CDH12: variants seen among roughly 807,000 people sequenced by gnomAD.
CDH12 encodes the protein cadherin 12.
Under a neutral mutation model 74.1 loss-of-function variants are expected in CDH12, and 41 were observed. The observed-to-expected ratio is 0.55, with a 90% confidence interval of 0.43 to 0.72. The LOEUF (loss-of-function observed/expected upper bound fraction) is 0.72. Ranked by LOEUF, CDH12 falls within the 30% of genes least tolerant of loss-of-function variation. The pLI is 0.00. For synonymous variants in CDH12, 399 were observed against 355.0 expected, an observed-to-expected ratio of 1.12 and a Z score of -1.39; for missense variants, 945 against 977.2, an observed-to-expected ratio of 0.97 and a Z score of 0.44.
At chr5:22,487,883 T>C (rs1234300129) in intron 2 of CDH12, among the ~76,000 whole-genome samples, 1 of 152,242 alleles carries the variant, frequency 6.6e-6, no homozygotes, top group Non-Finnish European at 1.5e-5. Context: ...AAATTTAACT[T>C]TTAACAACAT....
chr5:22,774,731 A>C (rs961975529), intron 1 of CDH12, among the ~76,000 whole-genome samples: 4 of 150,438 alleles, frequency 2.7e-5, no homozygotes, highest in Non-Finnish European at 6.0e-5. Context: ...CTTTTTCTGT[A>C]TAAATTAACC....
At chr5:21,943,878 AT>A (rs1429323970) in intron 6 of CDH12, among the ~76,000 whole-genome samples, 1 of 152,178 alleles carries the variant, frequency 6.6e-6, no homozygotes, top group Non-Finnish European at 1.5e-5. Context: ...ACACCAAAGA[AT>A]TAGCCAAGTG....
At chr5:22,186,092 T>C (rs565889690) in intron 4 of CDH12, among the ~76,000 whole-genome samples, 1 of 152,328 alleles carries the variant, frequency 6.6e-6, no homozygotes, top group South Asian at 2.1e-4. Flanking sequence ...TGCCCTTGAG[T>C]AAGATCTCTC....
At chr5:22,697,790 G>A (rs943091595) in intron 1 of CDH12, among the ~76,000 whole-genome samples, 4 of 152,006 alleles carry the variant, frequency 2.6e-5, no homozygotes, top group Non-Finnish European at 4.4e-5. Context: ...GGTTATAAAG[G>A]TGGGGCCCTA....
At chr5:22,589,645 T>C (rs951872801) in intron 1 of CDH12, among the ~76,000 whole-genome samples, 8 of 152,222 alleles carry the variant, frequency 5.3e-5, no homozygotes, top group African/African-American at 9.6e-5. Flanking sequence ...ACACTTTTCC[T>C]CGGCTTCTGG....
At chr5:22,353,553 A>G in intron 3 of CDH12, among the ~76,000 whole-genome samples, 1 of 152,292 alleles carries the variant, frequency 6.6e-6, no homozygotes, top group Middle Eastern at 3.4e-3. Flanking sequence ...TTAATTAAAT[A>G]GTTTATTATT....
intron 1 of CDH12, among the ~76,000 whole-genome samples, chr5:22,711,962 T>G (rs1743311471): frequency 6.6e-6 from 1 of 152,072 alleles, no homozygotes; most frequent in African/African-American, 2.4e-5. Context: ...CATTTTCTAA[T>G]ATTTACTTTG....
chr5:22,358,474 C>G (rs551055876), intron 3 of CDH12, among the ~76,000 whole-genome samples: 1 of 152,130 alleles, frequency 6.6e-6, no homozygotes, highest in East Asian at 1.9e-4. Flanking sequence ...ATGAATTTGA[C>G]AATGGCTGAT....
At chr5:22,408,897 G>T (rs1743063103) in intron 2 of CDH12, among the ~76,000 whole-genome samples, 1 of 151,674 alleles carries the variant, frequency 6.6e-6, no homozygotes, top group South Asian at 2.1e-4. Flanking sequence ...TGAATTTTTT[G>T]CAGTAGATAA....
At chr5:22,642,004 A>C (rs1360257030) in intron 1 of CDH12, among the ~76,000 whole-genome samples, 1 of 152,208 alleles carries the variant, frequency 6.6e-6, no homozygotes. Context: ...AGAAACTGAG[A>C]TGCAATGAGA....
chr5:22,315,192 G>A lies in CDH12; in HGVS notation c.-333+90065C>T, dbSNP rs534623038. ...TTAGCCGGGATGGTCTCGATCTCCT[G>A]ACCTTGTGATCTGCCCGCCTCGGCC... is the stretch of plus-strand genomic sequence containing the variant. On this transcript the variant is annotated intron_variant, in intron 3 of 14. Coordinates refer to ENST00000382254, the MANE Select transcript of CDH12 (RefSeq NM_004061.5). Among the ~76,000 whole-genome samples the A allele has an allele frequency of 6.6e-5, 9 of 137,236 alleles. No individual in the cohort carries two copies. The East Asian group carries it at 1.1e-3, about 17-fold the overall frequency. 90.0% of individuals were successfully genotyped at this position (137,236 alleles called of 152,430 possible). A position where few individuals can be genotyped will look rare whatever the true frequency, so the allele number is the denominator to read the frequency against.
intron 3 of CDH12, among the ~76,000 whole-genome samples, chr5:22,290,523 G>C (rs1307070260): frequency 6.6e-6 from 1 of 152,100 alleles, no homozygotes; most frequent in Non-Finnish European, 1.5e-5. Flanking sequence ...TGCAATAGCG[G>C]ATCAACAGCA....
chr5:22,796,044 A>T (rs1451178067), intron 1 of CDH12, among the ~76,000 whole-genome samples: 1 of 152,140 alleles, frequency 6.6e-6, no homozygotes, highest in Non-Finnish European at 1.5e-5. Flanking sequence ...TTTATGGCTA[A>T]ACACTATTCC....
At chr5:21,871,596 G>A (rs908334737) in intron 6 of CDH12, among the ~76,000 whole-genome samples, 1 of 152,090 alleles carries the variant, frequency 6.6e-6, no homozygotes. Context: ...AGCTGGGCGT[G>A]GTGGCACACG....
rs375668001 is a variant in CDH12, at chr5:22,700,036, C to G, written c.-523+153022G>C. On this transcript the variant is annotated intron_variant, in intron 1 of 14. Transcript: ENST00000382254. ...CAAAAATTAGCTGCATATGTTGGCG[C>G]ATGCCTGTAATCTCAGCTATGTCAA... Among the ~76,000 whole-genome samples, 15 of 152,020 alleles carry G rather than the reference C, an allele frequency of 9.9e-5. No individual in the cohort carries two copies. In the East Asian group the frequency reaches 2.3e-3, roughly 23 times the overall value.
intron 8 of CDH12, among the ~76,000 whole-genome samples, chr5:21,839,053 A>C (rs1159250018): frequency 2.0e-5 from 3 of 152,158 alleles, no homozygotes; most frequent in African/African-American, 7.2e-5. Context: ...AACAGCGCCC[A>C]ATTTCACAAT....
intron 3 of CDH12, among the ~76,000 whole-genome samples, chr5:22,280,557 C>T (rs1736832500): frequency 6.6e-6 from 1 of 152,148 alleles, no homozygotes; most frequent in Non-Finnish European, 1.5e-5. Context: ...ACCGATCCCA[C>T]AGGAATACAA....
At chr5:22,216,898 T>G (rs2150366521) in intron 3 of CDH12, among the ~76,000 whole-genome samples, 1 of 151,960 alleles carries the variant, frequency 6.6e-6, no homozygotes, top group South Asian at 2.1e-4. Context: ...ATTGGAAAAT[T>G]TGAGGAAATT....
At chr5:22,747,485 T>C (rs1745351899) in intron 1 of CDH12, among the ~76,000 whole-genome samples, 1 of 147,848 alleles carries the variant, frequency 6.8e-6, no homozygotes, top group Non-Finnish European at 1.5e-5. Flanking sequence ...ACTACAAAAA[T>C]TGGCTGGGTA....
Sources: gnomAD v4.1 joint callset for allele counts (sites outside exome capture counted in the v4.1 genomes callset) on GRCh38, gnomAD v4.1.1 for gene constraint, MANE v1.5 for transcripts, NCBI Gene and HGNC (gene_info 2026-07-23, HGNC 2026-07-21) for gene names.